Variants in GRHPR observed in about 807,000 individuals in gnomAD.
The protein encoded by GRHPR is glyoxylate and hydroxypyruvate reductase.
Under a neutral mutation model 36.8 loss-of-function variants are expected in GRHPR, and 35 were observed. The observed-to-expected ratio is 0.95, with a 90% CI of 0.73 to 1.26. The LOEUF is 1.26. Ranked by LOEUF, GRHPR falls within the 50% of genes most tolerant of loss-of-function variation. The pLI is 0.00. For synonymous variants in GRHPR, 179 were observed against 181.0 expected, an observed-to-expected ratio of 0.99 and a Z score of 0.09; for missense variants, 380 against 435.0, an observed-to-expected ratio of 0.87 and a Z score of 1.12.
Position 37,424,861 on chromosome 9 carries a change from TG to T in GRHPR, c.103del (p.Asp35ThrfsTer11), listed in dbSNP as rs80356708. ...TCCCCGCAGCTGTGAGGTGGAGCAG[TG>T]GGACTCGGATGAGCCCATCCCTGCC... is the stretch of plus-strand genomic sequence containing the variant. Reference protein sequence around the residue: ...ARAADCEVEQWDSDEPIPAKE... With the variant: ...ARAADCEVEQXDSDEPIPAKE... On this transcript the variant is annotated frameshift_variant, in exon 2 of 9. Transcript: ENST00000318158. LOFTEE classifies it high-confidence loss of function. 801 of 1,613,266 alleles carry T rather than the reference TG, an allele frequency of 5.0e-4. No individual in the cohort carries two copies. Among genetic ancestry groups the T allele is most frequent in the Non-Finnish European group, 6.6e-4 (780 of 1,179,852 alleles).
intron 8 of GRHPR, chr9:37,434,289 G>T: frequency 2.2e-6 from 1 of 456,708 alleles, no homozygotes; most frequent in South Asian, 7.3e-5. Context: ...GGGGAGCACG[G>T]ATTGAGGCTG....
chr9:37,428,027 C>G, intron 4 of GRHPR: 1 of 285,672 alleles, frequency 3.5e-6, no homozygotes, highest in Non-Finnish European at 6.9e-6. Context: ...GGGGAGTCAT[C>G]ACATCTACTG....
chr9:37,435,186 G>A (rs1351124201), intron 8 of GRHPR, among the ~76,000 whole-genome samples: 1 of 152,178 alleles, frequency 6.6e-6, no homozygotes, highest in Non-Finnish European at 1.5e-5. Flanking sequence ...AGGAGGTTGA[G>A]GCTGTAGTAA....
In GRHPR at chr9:37,426,581, A is replaced by G. The variant is rs1460033457; in HGVS notation, c.331A>G (p.Thr111Ala). The G allele has an allele frequency of 6.2e-7, 1 of 1,613,722 alleles. No homozygotes were observed. The highest frequency in any genetic ancestry group is 1.3e-5 in the African/African-American group (1 of 74,890). ...CACCCCAGATGTCCTGACAGATACCACCGCCGAACTCGCAGTCTCCCTGCT... is the reference window on the plus strand; with the variant it reads ...CACCCCAGATGTCCTGACAGATACCGCCGCCGAACTCGCAGTCTCCCTGCT... ...GYTPDVLTDT[T>A]AELAVSLLLT... Residue 111 changes from threonine to alanine, a missense_variant, in exon 4 of 9, where the codon ACC becomes GCC. Transcript: ENST00000318158.
intron 1 of GRHPR, 59 bp downstream of exon 1, chr9:37,422,892 G>C: frequency 7.7e-7 from 1 of 1,295,142 alleles, no homozygotes; most frequent in Non-Finnish European, 1.1e-6. Flanking sequence ...CCGGAGAGCC[G>C]GGCGGGGCGT....
intron 8 of GRHPR, chr9:37,434,584 T>A (rs1032553051): frequency 3.1e-4 from 81 of 258,002 alleles, no homozygotes; most frequent in African/African-American, 1.8e-3. Flanking sequence ...GGGGTCAAGT[T>A]AATGAAGGCC....
chr9:37,439,458 GTATAGTA>G (rs1164316839), downstream of GRHPR: 2 of 152,208 alleles, frequency 1.3e-5, no homozygotes, highest in Non-Finnish European at 2.9e-5. Flanking sequence ...ACTGTTAAAA[GTATAGTA>G]TATAACAGTA....
chr9:37,422,602 C>A (rs1822877639), upstream of GRHPR: 2 of 692,204 alleles, frequency 2.9e-6, no homozygotes, highest in Non-Finnish European at 5.2e-6. Flanking sequence ...TCAGCCGCAA[C>A]CCGGCGCTCC....
At chr9:37,433,441 C>T (rs140471004) in intron 8 of GRHPR, among the ~76,000 whole-genome samples, 1 of 152,132 alleles carries the variant, frequency 6.6e-6, no homozygotes, top group African/African-American at 2.4e-5. Flanking sequence ...TCCATGTTGG[C>T]CAGGCTGGTC....
At position 37,429,595 on chromosome 9, in the gene GRHPR, TGGA is replaced by T. The variant is rs1300638758; in HGVS notation, c.494-132_494-130del. 6.6e-6 allele frequency: 5 copies of T among 755,662 alleles called. No individual in the cohort carries two copies. In the Admixed American group the frequency reaches 8.8e-5, roughly 13 times the overall value. The allele number at this position is 755,662 out of a possible 1,614,324, so 46.8% of individuals were successfully genotyped here. A position where few individuals can be genotyped will look rare whatever the true frequency, so the allele number is the denominator to read the frequency against. On this transcript the variant is annotated intron_variant, in intron 5 of 8. Transcript: ENST00000318158. ...GGGGCAGCCAGCCCCCCACCCGCTT[TGGA>T]GGAGACAGGAGCAGGCAACTCGGGC... is the stretch of plus-strand genomic sequence containing the variant.
chr9:37,432,911 A>T (rs1281362338), intron 8 of GRHPR: 1 of 152,584 alleles, frequency 6.6e-6, no homozygotes, highest in East Asian at 1.9e-4. Context: ...TGCACACCCC[A>T]TTTCTGCTGT....
chr9:37,425,009 G>T, intron 2 of GRHPR, 34 bp downstream of exon 2: 2 of 1,605,198 alleles, frequency 1.2e-6, no homozygotes. Flanking sequence ...CTTGAGGGTG[G>T]CTTGGCCCTG....
chr9:37,437,677 C>T (rs1003014378), downstream of GRHPR, among the ~76,000 whole-genome samples: 12 of 98,634 alleles, frequency 1.2e-4, no homozygotes, highest in Admixed American at 2.5e-4. Flanking sequence ...CCTCCCTGCC[C>T]CCAGGTGGAT....
intron 7 of GRHPR, 185 bp downstream of exon 7, chr9:37,430,831 C>A: frequency 1.4e-6 from 1 of 698,906 alleles, no homozygotes; most frequent in Non-Finnish European, 2.7e-6. Flanking sequence ...GGAAGAAGAG[C>A]CGTCAGAGTG....
At chr9:37,433,144 C>T (rs943541963) in intron 8 of GRHPR, among the ~76,000 whole-genome samples, 8 of 152,202 alleles carry the variant, frequency 5.3e-5, no homozygotes, top group Admixed American at 3.9e-4. Context: ...AGTCAGTGCC[C>T]GTGCCACCGA....
intron 5 of GRHPR, 134 bp from the exon 6 acceptor site, chr9:37,429,598 A>G: frequency 1.3e-6 from 1 of 759,626 alleles, no homozygotes; most frequent in Admixed American, 1.7e-5. Flanking sequence ...CCCGCTTTGG[A>G]GGAGACAGGA....
At chr9:37,430,028 CCT>C (rs1823284489) in intron 6 of GRHPR, 192 bp downstream of exon 6, 1 of 640,044 alleles carries the variant, frequency 1.6e-6, no homozygotes. Context: ...TTACCCAGGT[CCT>C]CTCCGAGCCA....
intron 8 of GRHPR, 37 bp downstream of exon 8, chr9:37,432,175 C>G: frequency 6.2e-7 from 1 of 1,605,504 alleles, no homozygotes; most frequent in Non-Finnish European, 8.5e-7. Flanking sequence ...CTCCCTGCTG[C>G]CCTGCAGGAC....
Position 37,432,013 on chromosome 9 carries a change from A to G in GRHPR, c.740A>G (p.Asp247Gly), listed in dbSNP as rs180177318. 2.5e-6 allele frequency: 4 copies of G among 1,613,982 alleles called. No individual in the cohort carries two copies. The highest frequency in any genetic ancestry group is 2.2e-5 in the East Asian group (1 of 44,906). The change falls in exon 8 of 9, where the codon GAC (aspartate) becomes GGC (glycine). Residue 247 changes from aspartate to glycine, a missense_variant. By Grantham distance (94) the Asp-to-Gly change is moderately conservative. Coordinates refer to ENST00000318158, the MANE Select transcript of GRHPR (RefSeq NM_012203.2). ...GTCACCACTGTCATTCCCAGGGGCGACGTCGTAAACCAGGACGACCTGTAC... is the reference window on the plus strand; with the variant it reads ...GTCACCACTGTCATTCCCAGGGGCGGCGTCGTAAACCAGGACGACCTGTAC... ...TAVFINISRGDVVNQDDLYQA... is the reference protein window; with the variant it reads ...TAVFINISRGGVVNQDDLYQA...
Sources: gnomAD v4.1 joint callset for allele counts (sites outside exome capture counted in the v4.1 genomes callset) on GRCh38, gnomAD v4.1.1 for gene constraint, MANE v1.5 for transcripts, NCBI Gene and HGNC (gene_info 2026-07-23, HGNC 2026-07-21) for gene names.